The following ZRSR2 variants were observed in gnomAD, a reference collection of about 807,000 sequenced individuals.
ZRSR2 encodes U2 small nuclear ribonucleoprotein auxiliary factor 35 kDa subunit-related protein 2.
A neutral mutation model predicts 39.4 loss-of-function variants in ZRSR2; 3 were observed. That is an observed-to-expected ratio of 0.08 (90% CI 0.03 to 0.20). ZRSR2 has a LOEUF of 0.20. Ranked by LOEUF, ZRSR2 falls within the 10% of genes least tolerant of loss-of-function variation. The pLI is 1.00. For missense variants in ZRSR2, 256 were observed against 391.5 expected (o/e 0.65, Z 2.92); for synonymous variants, 137 against 136.0 (o/e 1.01, Z -0.05).
chrX:15,794,709 G>A (rs772087827), intron 2 of ZRSR2, among the ~76,000 whole-genome samples: 5 of 111,548 alleles, frequency 4.5e-5, no homozygotes, highest in South Asian at 7.5e-4. Flanking sequence ...GAGGGTAGAC[G>A]GCACTTGGTG....
chrX:15,811,966 G>A (rs919688633), intron 7 of ZRSR2, among the ~76,000 whole-genome samples: 1 of 110,636 alleles, frequency 9.0e-6, no homozygotes, highest in Non-Finnish European at 1.9e-5. Flanking sequence ...GTCTCGCTCT[G>A]TCGCCCAGGC....
Sources: gnomAD v4.1 joint callset for allele counts (sites outside exome capture counted in the v4.1 genomes callset) on GRCh38, gnomAD v4.1.1 for gene constraint, MANE v1.5 for transcripts, NCBI Gene and HGNC (gene_info 2026-07-23, HGNC 2026-07-21) for gene names.